SLC9A1: variants seen among roughly 807,000 people sequenced by gnomAD.
The protein encoded by SLC9A1 is sodium/hydrogen exchanger 1.
SLC9A1 carries 22 observed loss-of-function variants against 67.9 expected under a neutral mutation model. That is an observed-to-expected ratio of 0.32 (90% CI 0.23 to 0.46). The LOEUF is 0.46. Among genes scored for constraint, SLC9A1 ranks in the 20% least tolerant of loss-of-function variants. SLC9A1 has a pLI of 1.00. For synonymous variants in SLC9A1, 421 were observed against 471.8 expected, an observed-to-expected ratio of 0.89 and a Z score of 1.40; for missense variants, 686 against 1,094.8, an observed-to-expected ratio of 0.63 and a Z score of 5.27.
At chr1:27,149,834 C>T (rs756696557) in intron 1 of SLC9A1, among the ~76,000 whole-genome samples, 5 of 152,204 alleles carry the variant, frequency 3.3e-5, no homozygotes, top group Non-Finnish European at 5.9e-5. Context: ...GGCTGGACGC[C>T]ATGGGGCTGG....
chr1:27,121,379 C>G, intron 1 of SLC9A1, among the ~76,000 whole-genome samples: 1 of 152,198 alleles, frequency 6.6e-6, no homozygotes, highest in South Asian at 2.1e-4. Flanking sequence ...CCACTCTGCC[C>G]TTTAGTAACC....
chr1:27,128,317 G>A (rs540480835), intron 1 of SLC9A1, among the ~76,000 whole-genome samples: 104 of 152,296 alleles, frequency 6.8e-4, no homozygotes, highest in African/African-American at 2.3e-3. Context: ...GTTGCTGTAA[G>A]AGGAGAGAAC....
At chr1:27,148,428 T>C (rs898510359) in intron 1 of SLC9A1, among the ~76,000 whole-genome samples, 1 of 152,030 alleles carries the variant, frequency 6.6e-6, no homozygotes, top group African/African-American at 2.4e-5. Context: ...AGGTTACCAA[T>C]GTGGATGTGT....
chr1:27,129,525 A>G (rs2083370791), intron 1 of SLC9A1, among the ~76,000 whole-genome samples: 1 of 152,212 alleles, frequency 6.6e-6, no homozygotes, highest in Non-Finnish European at 1.5e-5. Flanking sequence ...AGAAACAGCA[A>G]TGGGAGGTCA....
chr1:27,102,580 C>T (rs373989318), intron 7 of SLC9A1, 22 bp from the exon 8 acceptor site: 46 of 1,608,860 alleles, frequency 2.9e-5, no homozygotes, highest in Middle Eastern at 1.7e-4. Flanking sequence ...AGGAGGGAGA[C>T]GGATGGCGCC....
At position 27,113,841 on chromosome 1, in the gene SLC9A1, A is replaced by G. The variant is rs1479901996; in HGVS notation, c.798T>C (p.Asn266=). 6.2e-7 allele frequency: 1 copy of G among 1,612,806 alleles called. No individual in the cohort carries two copies. The highest frequency in any genetic ancestry group is 1.1e-5 in the South Asian group (1 of 91,034). The change falls in exon 2 of 12, where the codon AAT becomes AAC. Residue 266 remains asparagine (N), a synonymous_variant. Coordinates refer to ENST00000263980, the MANE Select transcript of SLC9A1 (RefSeq NM_003047.5). ...GCCTCCTCACCACAGTGACGGCGTC[A>G]TTGAGCAAGGACTCCCCAAAAACAA... The part of the protein sequence containing the change: ...HILVFGESLL[N]DAVTVVLYHL...
At chr1:27,132,875 C>T (rs958410091) in intron 1 of SLC9A1, among the ~76,000 whole-genome samples, 2 of 152,152 alleles carry the variant, frequency 1.3e-5, no homozygotes, top group Non-Finnish European at 2.9e-5. Context: ...GAAGGGCGGA[C>T]GCTGGAGCAC....
intron 1 of SLC9A1, among the ~76,000 whole-genome samples, chr1:27,151,034 C>T (rs1490704348): frequency 6.6e-6 from 1 of 152,206 alleles, no homozygotes; most frequent in Non-Finnish European, 1.5e-5. Flanking sequence ...GCCCCCCACC[C>T]TTATCCCTAC....
chr1:27,118,720 G>A lies in SLC9A1; in HGVS notation c.353-4434C>T, dbSNP rs553146462. ...GTTAGAGTAAGAACCAGAGTCGTAA[G>A]AGCTGGAATGGATCTTGGAGAGCAT... is the stretch of plus-strand genomic sequence containing the variant. On this transcript the variant is annotated intron_variant, in intron 1 of 11. Transcript: ENST00000263980. This position sits in a 1 kb window ranked among gnomAD's most constrained non-coding sequence, Gnocchi z 4.3. Among the ~76,000 whole-genome samples, 3 of 152,164 alleles carry A rather than the reference G, an allele frequency of 2.0e-5. No homozygotes were observed. Among genetic ancestry groups the A allele is most frequent in the African/African-American group, 7.2e-5 (3 of 41,432 alleles).
chr1:27,139,183 A>G (rs950144879), intron 1 of SLC9A1, among the ~76,000 whole-genome samples: 1 of 152,218 alleles, frequency 6.6e-6, no homozygotes, highest in African/African-American at 2.4e-5. Context: ...GCCCATACCT[A>G]GTACTCAGAG....
intron 1 of SLC9A1, among the ~76,000 whole-genome samples, chr1:27,129,941 G>A (rs930515797): frequency 6.6e-6 from 1 of 152,174 alleles, no homozygotes; most frequent in Non-Finnish European, 1.5e-5. Flanking sequence ...CAGAGCCATG[G>A]CCCCAACCAT....
At chr1:27,103,402 G>C (rs1209451126) in intron 5 of SLC9A1, 90 bp from the exon 6 acceptor site, 1 of 898,326 alleles carries the variant, frequency 1.1e-6, no homozygotes, top group Non-Finnish European at 1.9e-6. Flanking sequence ...GGCCCCCAAG[G>C]CTAGGATGCC....
intron 1 of SLC9A1, among the ~76,000 whole-genome samples, chr1:27,142,770 T>A (rs997932533): frequency 6.6e-6 from 1 of 152,168 alleles, no homozygotes; most frequent in Non-Finnish European, 1.5e-5. Context: ...CTGCTTTGAT[T>A]TCCAACTTAG....
At chr1:27,125,262 T>TG (rs1391598130) in intron 1 of SLC9A1, among the ~76,000 whole-genome samples, 3 of 145,454 alleles carry the variant, frequency 2.1e-5, no homozygotes, top group African/African-American at 7.7e-5. Flanking sequence ...TTTTTTTTTT[T>TG]TGAGAAACAG....
Position 27,154,159 on chromosome 1 carries a change from T to C in SLC9A1, c.176A>G (p.Asp59Gly). The part of the protein sequence containing the change: ...SEPPRERSIG[D>G]VTTAPPEVTP... ...GACCTCCGGTGGAGCGGTGGTGACA[T>C]CCCCAATCGAGCGTTCTCGTGGTGG... is the stretch of plus-strand genomic sequence containing the variant. Residue 59 changes from aspartate to glycine, a missense_variant, in exon 1 of 12, where the codon GAT (aspartate) becomes GGT (glycine). Coordinates refer to ENST00000263980, the MANE Select transcript of SLC9A1 (RefSeq NM_003047.5). The C allele has an allele frequency of 6.2e-7, 1 of 1,613,944 alleles. No individual in the cohort carries two copies. The highest frequency in any genetic ancestry group is 8.5e-7 in the Non-Finnish European group (1 of 1,179,948).
At chr1:27,131,943 A>AG in intron 1 of SLC9A1, among the ~76,000 whole-genome samples, 1 of 74,428 alleles carries the variant, frequency 1.3e-5, no homozygotes, top group Non-Finnish European at 2.5e-5. Context: ...AAGAAGAAAA[A>AG]AAAAATATAT....
Position 27,101,356 on chromosome 1 carries a change from C to T in SLC9A1, c.2038-81G>A. 1 of 1,113,302 alleles carries T rather than the reference C, an allele frequency of 9.0e-7. No homozygotes were observed. Among genetic ancestry groups the T allele is most frequent in the Admixed American group, 1.8e-5 (1 of 54,918 alleles). The allele number at this position is 1,113,302 out of a possible 1,614,324, so 69.0% of individuals were successfully genotyped here. A position where few individuals can be genotyped will look rare whatever the true frequency, so the allele number is the denominator to read the frequency against. Reference sequence around the variant, plus strand: ...AGGACAGAACCCGGCCAGTGCACACCCCACCTTTCGTATATGCAGGGCGCT... The same window carrying T: ...AGGACAGAACCCGGCCAGTGCACACTCCACCTTTCGTATATGCAGGGCGCT... On this transcript the variant is annotated intron_variant, in intron 10 of 11. Coordinates refer to ENST00000263980, the MANE Select transcript of SLC9A1 (RefSeq NM_003047.5). The surrounding 1 kb of genome is among the most constrained non-coding windows in gnomAD (Gnocchi z 4.9).
intron 1 of SLC9A1, among the ~76,000 whole-genome samples, chr1:27,142,576 T>C (rs1373775107): frequency 6.6e-6 from 1 of 152,148 alleles, no homozygotes. Context: ...TCAAAGGTGG[T>C]TGCTTCCCCA....
intron 6 of SLC9A1, 31 bp from the exon 7 acceptor site, chr1:27,102,774 C>G (rs368084904): frequency 6.3e-7 from 1 of 1,594,940 alleles, no homozygotes; most frequent in Non-Finnish European, 8.6e-7. Context: ...AGTCAAGCCT[C>G]GCTGTGGGGC....
Sources: gnomAD v4.1 joint callset for allele counts (sites outside exome capture counted in the v4.1 genomes callset) on GRCh38, gnomAD v4.1.1 for gene constraint, Gnocchi (gnomAD v3.1) non-coding constraint, MANE v1.5 for transcripts, NCBI Gene and HGNC (gene_info 2026-07-23, HGNC 2026-07-21) for gene names.